TENM4: variants seen among roughly 807,000 people sequenced by gnomAD.
TENM4 encodes teneurin-4.
Under a neutral mutation model 243.3 loss-of-function variants are expected in TENM4, and 82 were observed. That is an observed-to-expected ratio of 0.34 (90% CI 0.28 to 0.40). The LOEUF is 0.40. TENM4 is among the 10% of genes least tolerant of loss of function. TENM4 has a pLI of 1.00. For synonymous variants in TENM4, 1,412 were observed against 1,456.3 expected (o/e 0.97, Z 0.69); for missense variants, 3,138 against 3,673.3 (o/e 0.85, Z 3.77).
intron 3 of TENM4, among the ~76,000 whole-genome samples, chr11:79,171,965 T>A (rs922835981): frequency 2.6e-5 from 4 of 152,216 alleles, no homozygotes; most frequent in African/African-American, 4.8e-5. Context: ...GTTGTTTGCT[T>A]GTTTGAGACA....
chr11:79,068,967 G>T (rs971291931), intron 5 of TENM4, among the ~76,000 whole-genome samples: 1 of 152,208 alleles, frequency 6.6e-6, no homozygotes, highest in Non-Finnish European at 1.5e-5. Context: ...CTGCAGTACA[G>T]AGAATGGCTA....
chr11:79,370,316 C>T (rs1565318344), intron 1 of TENM4, among the ~76,000 whole-genome samples: 1 of 152,214 alleles, frequency 6.6e-6, no homozygotes, highest in Non-Finnish European at 1.5e-5. Flanking sequence ...CTTCCAACTT[C>T]ACAGGTGCCT....
chr11:78,919,046 A>G (rs1325435208), intron 6 of TENM4, among the ~76,000 whole-genome samples: 8 of 152,158 alleles, frequency 5.3e-5, no homozygotes, highest in African/African-American at 9.7e-5. Context: ...TGAGTTTCCT[A>G]TATGAATTTT....
At chr11:79,393,051 C>T (rs925514789) in intron 1 of TENM4, among the ~76,000 whole-genome samples, 2 of 152,158 alleles carry the variant, frequency 1.3e-5, no homozygotes, top group African/African-American at 4.8e-5. Context: ...CTCCCCTTTT[C>T]GTGCCTCTTC....
intron 12 of TENM4, among the ~76,000 whole-genome samples, chr11:78,832,577 G>C (rs1316292116): frequency 2.0e-5 from 3 of 152,256 alleles, no homozygotes; most frequent in African/African-American, 7.2e-5. Context: ...TTGTGTGAAA[G>C]CAAATATGAA....
chr11:79,434,419 G>T (rs1434986456), intron 1 of TENM4, among the ~76,000 whole-genome samples: 1 of 152,052 alleles, frequency 6.6e-6, no homozygotes, highest in African/African-American at 2.4e-5. Context: ...GAAATCCACA[G>T]CCTCAGCAAA....
intron 23 of TENM4, among the ~76,000 whole-genome samples, chr11:78,724,923 G>A (rs1403720904): frequency 1.3e-5 from 2 of 152,222 alleles, no homozygotes; most frequent in African/African-American, 2.4e-5. Context: ...GAAAGCCTGA[G>A]TGGAGCACAG....
At chr11:79,308,665 G>A (rs920246530) in intron 1 of TENM4, among the ~76,000 whole-genome samples, 1 of 152,164 alleles carries the variant, frequency 6.6e-6, no homozygotes. Context: ...AACTCCCAAA[G>A]GGGCAGGGGC....
intron 6 of TENM4, among the ~76,000 whole-genome samples, chr11:78,904,359 CAAAA>C (rs61503457): frequency 5.2e-5 from 4 of 77,262 alleles, no homozygotes; most frequent in African/African-American, 7.6e-5. Context: ...GACTCTGTCT[CAAAA>C]AAAAAAAAAA....
intron 1 of TENM4, among the ~76,000 whole-genome samples, chr11:79,319,733 T>C (rs518556): frequency 0.61 from 91,758 of 151,572 alleles, 28,288 homozygotes; most frequent in South Asian, 0.71. Context: ...GACAACATTA[T>C]CTCTGTGTTG....
Position 79,285,212 on chromosome 11 carries a change from T to A in TENM4, c.-265+12276A>T, listed in dbSNP as rs1444271029. Among the ~76,000 whole-genome samples, 3 of 151,648 alleles carry A rather than the reference T, an allele frequency of 2.0e-5. No homozygotes were observed. In the East Asian group the frequency reaches 5.9e-4, roughly 30 times the overall value. ...AAGATCTTGTCACTGCACTCTAGCCTGGCAACAGAGAAAGACTCAGTTTCA... is the reference window on the plus strand; with the variant it reads ...AAGATCTTGTCACTGCACTCTAGCCAGGCAACAGAGAAAGACTCAGTTTCA... On this transcript the variant is annotated intron_variant, in intron 2 of 33. Coordinates refer to ENST00000278550, the MANE Select transcript of TENM4 (RefSeq NM_001098816.3).
intron 2 of TENM4, among the ~76,000 whole-genome samples, chr11:79,294,544 G>C (rs950362072): frequency 2.8e-4 from 43 of 152,192 alleles, no homozygotes; most frequent in African/African-American, 9.9e-4. Flanking sequence ...GAGTAGGCTC[G>C]TTCAGTAAGA....
intron 12 of TENM4, among the ~76,000 whole-genome samples, chr11:78,829,988 T>A (rs987009036): frequency 6.6e-6 from 1 of 152,196 alleles, no homozygotes; most frequent in Admixed American, 6.5e-5. Context: ...CTGGCTTATA[T>A]CATTCAGACA....
intron 2 of TENM4, among the ~76,000 whole-genome samples, chr11:79,286,813 G>A (rs1856262851): frequency 6.6e-6 from 1 of 152,130 alleles, no homozygotes; most frequent in South Asian, 2.1e-4. Context: ...CAATTATGGA[G>A]CATCTATTAC....
intron 3 of TENM4, among the ~76,000 whole-genome samples, chr11:79,180,349 C>T (rs997517431): frequency 1.3e-5 from 2 of 151,572 alleles, no homozygotes; most frequent in African/African-American, 4.8e-5. Flanking sequence ...CATGGGTTTC[C>T]TCACAGAAAC....
chr11:78,690,793 G>C (rs1285368590), intron 28 of TENM4, among the ~76,000 whole-genome samples: 2 of 152,164 alleles, frequency 1.3e-5, no homozygotes, highest in African/African-American at 2.4e-5. Context: ...TCAACAGGAA[G>C]ATCCATTTCA....
chr11:79,417,597 A>T (rs1019395960), intron 1 of TENM4, among the ~76,000 whole-genome samples: 1 of 152,202 alleles, frequency 6.6e-6, no homozygotes, highest in Non-Finnish European at 1.5e-5. Flanking sequence ...ATGTCCAAAG[A>T]ATTACATTGT....
intron 18 of TENM4, among the ~76,000 whole-genome samples, chr11:78,759,048 C>G (rs1785815): frequency 0.8 from 121,206 of 152,134 alleles, 48,776 homozygotes; most frequent in Non-Finnish European, 0.84. Context: ...TTCCCTTCCT[C>G]ATCCTGAACT....
intron 6 of TENM4, among the ~76,000 whole-genome samples, chr11:78,975,265 C>T (rs961220833): frequency 3.9e-5 from 6 of 152,090 alleles, no homozygotes; most frequent in Admixed American, 6.5e-5. Context: ...TTGTTCTAAC[C>T]TTGCCCACGC....
Sources: allele counts gnomAD v4.1 joint callset (sites outside exome capture counted in the v4.1 genomes callset), GRCh38; gene constraint gnomAD v4.1.1; transcripts MANE v1.5; gene names NCBI Gene and HGNC (gene_info 2026-07-23, HGNC 2026-07-21).